The following LRIF1 variants were observed in gnomAD, a reference collection of about 807,000 sequenced individuals.
The protein encoded by LRIF1 is ligand-dependent nuclear receptor-interacting factor 1.
A neutral mutation model predicts 52.7 loss-of-function variants in LRIF1; 32 were observed. The ratio of observed to expected loss-of-function variants is 0.61; its 90% CI spans 0.46 to 0.82. The LOEUF is 0.82. LRIF1 is among the 40% of genes least tolerant of loss of function. The probability of loss-of-function intolerance (pLI) is 0.00; values close to 1 mark genes in which losing one functional copy is unlikely to be tolerated. For missense variants in LRIF1, 887 were observed against 892.0 expected (o/e 0.99, Z 0.07); for synonymous variants, 323 against 317.4 (o/e 1.02, Z -0.19).
chr1:110,884,201 A>G, the LRIF1 span, among the ~76,000 whole-genome samples: 1 of 152,020 alleles, frequency 6.6e-6, no homozygotes, highest in Non-Finnish European at 1.5e-5. Context: ...CACATTTTCA[A>G]CATGTTTTTA....
Position 110,948,325 on chromosome 1 carries a change from A to T in LRIF1, c.1944T>A (p.Asn648Lys). The change falls in exon 4 of 4, where the codon AAT (asparagine) becomes AAA (lysine). Residue 648 changes from asparagine to lysine, a missense_variant. Transcript: ENST00000369763. ...MDHIKKRKTE[N>K]AYNAIINGEA... is the part of the protein sequence containing the mutation. ...CCCCATTTATGATTGCGTTATAAGC[A>T]TTCTCTGTTTTTCTCTTCTTTATGT... The T allele has an allele frequency of 6.2e-7, 1 of 1,614,076 alleles. No homozygotes were observed. Among genetic ancestry groups the T allele is most frequent in the Non-Finnish European group, 8.5e-7 (1 of 1,179,996 alleles).
chr1:110,886,869 A>ATATATTTTTT, the LRIF1 span, among the ~76,000 whole-genome samples: 647 of 82,698 alleles, frequency 7.8e-3, 7 homozygotes, highest in Admixed American at 0.023. Context: ...ATATATATAT[A>ATATATTTTTT]TTTTTTTTTT....
chr1:110,918,432 G>A, the LRIF1 span, among the ~76,000 whole-genome samples: 1 of 151,904 alleles, frequency 6.6e-6, no homozygotes, highest in Admixed American at 6.6e-5. Flanking sequence ...TATCATAGTT[G>A]ATAAAGATAT....
At chr1:110,921,211 A>G in the LRIF1 span, among the ~76,000 whole-genome samples, 1 of 152,222 alleles carries the variant, frequency 6.6e-6, no homozygotes, top group Non-Finnish European at 1.5e-5. Context: ...GGTTTTAATT[A>G]AGTTACGAAT....
chr1:110,893,559 T>C, the LRIF1 span, among the ~76,000 whole-genome samples: 1 of 152,222 alleles, frequency 6.6e-6, no homozygotes, highest in Non-Finnish European at 1.5e-5. Context: ...CGACTTTAGG[T>C]GATCCACCTG....
At chr1:110,923,580 CAT>C in the LRIF1 span, among the ~76,000 whole-genome samples, 1 of 151,996 alleles carries the variant, frequency 6.6e-6, no homozygotes, top group South Asian at 2.1e-4. Context: ...AATCTTTATA[CAT>C]TTGAAAAATA....
At chr1:110,883,441 G>A in the LRIF1 span, among the ~76,000 whole-genome samples, 1 of 151,846 alleles carries the variant, frequency 6.6e-6, no homozygotes, top group Non-Finnish European at 1.5e-5. Context: ...TATATCGTTA[G>A]ATGCTTTTTA....
the LRIF1 span, chr1:110,899,267 C>G: frequency 9.3e-7 from 1 of 1,078,592 alleles, no homozygotes; most frequent in Non-Finnish European, 1.4e-6. Context: ...GCATGAAGCC[C>G]TACATGATCA....
chr1:110,944,807 C>G (rs750145796), downstream of LRIF1: 1 of 151,770 alleles, frequency 6.6e-6, no homozygotes, highest in Non-Finnish European at 1.5e-5. Context: ...TTAGAAAAAC[C>G]AGTGGTAAAA....
At chr1:110,952,923 T>C (rs1331633329) in intron 1 of LRIF1, 108 bp from the exon 2 acceptor site, 1 of 651,974 alleles carries the variant, frequency 1.5e-6, no homozygotes, top group Non-Finnish European at 2.1e-6. Flanking sequence ...AAGTATATAA[T>C]TTTCCATTTT....
At chr1:110,911,780 A>G in the LRIF1 span, among the ~76,000 whole-genome samples, 2 of 152,362 alleles carry the variant, frequency 1.3e-5, no homozygotes, top group African/African-American at 4.8e-5. Flanking sequence ...AGAAATGCAG[A>G]AAAGGCTTTT....
Position 110,956,460 on chromosome 1 carries a change from G to C in LRIF1, c.69-3645C>G, listed in dbSNP as rs557339344. Among the ~76,000 whole-genome samples, 4 of 152,258 alleles carry C rather than the reference G, an allele frequency of 2.6e-5. No homozygotes were observed. The East Asian group carries it at 7.7e-4, about 29-fold the overall frequency. On this transcript the variant is annotated intron_variant, in intron 1 of 3. Transcript: ENST00000369763. ...TAGGAAGAAAATGAGAGAATAAAAG[G>C]CTAAAGTATAGGGATAAAATAAAGG...
chr1:110,960,343 GACAC>G (rs1204313888), intron 1 of LRIF1, among the ~76,000 whole-genome samples: 1 of 151,852 alleles, frequency 6.6e-6, no homozygotes, highest in East Asian at 1.9e-4. Context: ...CACACACACA[GACAC>G]ACTCAAATCA....
chr1:110,952,918 T>A (rs1309757541), intron 1 of LRIF1, 103 bp from the exon 2 acceptor site: 2 of 677,004 alleles, frequency 3.0e-6, no homozygotes, highest in South Asian at 7.7e-5. Context: ...AAATAAAGTA[T>A]ATAATTTTCC....
rs562908738 is a variant in LRIF1, at chr1:110,963,330, G to C, written c.68+291C>G. 2.5e-5 allele frequency: 6 copies of C among 239,298 alleles called. No homozygotes were observed. The East Asian group carries it at 4.6e-4, about 18-fold the overall frequency. 14.8% of individuals were successfully genotyped at this position (239,298 alleles called of 1,614,324 possible). A position where few individuals can be genotyped will look rare whatever the true frequency, so the allele number is the denominator to read the frequency against. On this transcript the variant is annotated intron_variant, in intron 1 of 3. Transcript: ENST00000369763. Reference sequence around the variant, plus strand: ...AGGTTTGAGTCACATAAGAGCGTCGGCCATCTTGGTTTTCATCTCCCGTGG... The same window carrying C: ...AGGTTTGAGTCACATAAGAGCGTCGCCCATCTTGGTTTTCATCTCCCGTGG...
At chr1:110,892,743 C>A in the LRIF1 span, 1 of 498,490 alleles carries the variant, frequency 2.0e-6, no homozygotes, top group South Asian at 3.4e-5. Context: ...TTGCTATCCC[C>A]CTTGTAGCCA....
chr1:110,951,444 A>C lies in LRIF1; in HGVS notation c.1440T>G (p.Val480=). 6.2e-7 allele frequency: 1 copy of C among 1,614,110 alleles called. No individual in the cohort carries two copies. The highest frequency in any genetic ancestry group is 8.5e-7 in the Non-Finnish European group (1 of 1,180,010). The change falls in exon 2 of 4, where the codon GTT becomes GTG. Residue 480 remains valine, a synonymous_variant. Coordinates refer to ENST00000369763, the MANE Select transcript of LRIF1 (RefSeq NM_018372.4). ...KTLFTNPIFP[V]GFSTGHNAPR... ...GGGCATTGTGTCCTGTACTAAATCC[A>C]ACTGGAAAGATTGGATTTGTGAATA...
At chr1:110,896,893 A>G in the LRIF1 span, among the ~76,000 whole-genome samples, 1 of 152,260 alleles carries the variant, frequency 6.6e-6, no homozygotes, top group Non-Finnish European at 1.5e-5. Context: ...TAGAAAAGTC[A>G]GAAAAACATA....
chr1:110,949,854 T>C lies in LRIF1; in HGVS notation c.1866A>G (p.Lys622=). Reference sequence around the variant, plus strand: ...CACATTAAAATGTATTACCTACCTGTTTTCTCTCTCCTTCCTTCACCATAA... The same window carrying C: ...CACATTAAAATGTATTACCTACCTGCTTTCTCTCTCCTTCCTTCACCATAA... ...TEFMVKEGER[K]QQNFDKKRKA... The change falls in exon 3 of 4, where the codon AAA becomes AAG. Residue 622 remains lysine (K), a synonymous_variant. Coordinates refer to ENST00000369763, the MANE Select transcript of LRIF1 (RefSeq NM_018372.4). 6.2e-7 allele frequency: 1 copy of C among 1,612,956 alleles called. No homozygotes were observed. Among genetic ancestry groups the C allele is most frequent in the Non-Finnish European group, 8.5e-7 (1 of 1,179,356 alleles).
Sources: gnomAD v4.1 joint callset for allele counts (sites outside exome capture counted in the v4.1 genomes callset) on GRCh38, gnomAD v4.1.1 for gene constraint, MANE v1.5 for transcripts, NCBI Gene and HGNC (gene_info 2026-07-23, HGNC 2026-07-21) for gene names.